The following KCNQ3 variants were observed in gnomAD, a reference collection of about 807,000 sequenced individuals.
KCNQ3 encodes the protein potassium voltage-gated channel subfamily Q member 3, also known as potassium voltage-gated channel subfamily KQT member 3.
KCNQ3 carries 30 observed loss-of-function variants against 92.5 expected under a neutral mutation model. The ratio of observed to expected loss-of-function variants is 0.32; its 90% CI spans 0.24 to 0.44. The LOEUF is 0.44. Ranked by LOEUF, KCNQ3 falls within the 20% of genes least tolerant of loss-of-function variation. The probability of loss-of-function intolerance (pLI) is 1.00; values close to 1 mark genes in which losing one functional copy is unlikely to be tolerated. For synonymous variants in KCNQ3, 450 were observed against 468.8 expected (o/e 0.96, Z 0.52); for missense variants, 913 against 1,140.3 (o/e 0.80, Z 2.87).
chr8:132,468,792 A>T (rs72723113), intron 1 of KCNQ3, among the ~76,000 whole-genome samples: 11,503 of 152,248 alleles, frequency 0.076, 447 homozygotes, highest in Middle Eastern at 0.1. Context: ...AATTCAGTAT[A>T]GAGAGAAGCC....
intron 1 of KCNQ3, among the ~76,000 whole-genome samples, chr8:132,210,057 T>C (rs564011736): frequency 5.3e-5 from 8 of 152,360 alleles, no homozygotes; most frequent in African/African-American, 1.9e-4. Context: ...CACAATGTCC[T>C]GGAACCCCAG....
intron 1 of KCNQ3, among the ~76,000 whole-genome samples, chr8:132,406,374 C>T (rs988724517): frequency 4.6e-5 from 7 of 152,146 alleles, no homozygotes; most frequent in African/African-American, 1.4e-4. Flanking sequence ...CTGAACTTGT[C>T]CACTGAATAT....
At chr8:132,234,053 T>C (rs1035953151) in intron 1 of KCNQ3, among the ~76,000 whole-genome samples, 15 of 152,204 alleles carry the variant, frequency 9.9e-5, no homozygotes, top group African/African-American at 3.4e-4. Flanking sequence ...AACTAGAACA[T>C]ACCAGGACAA....
chr8:132,303,642 TATATATATATTTATG>T (rs1474183646), intron 1 of KCNQ3, among the ~76,000 whole-genome samples: 4 of 47,704 alleles, frequency 8.4e-5, no homozygotes, highest in African/African-American at 5.6e-4. Context: ...GGTGTATATA[TATATATATATTTATG>T]GTGTGTGTGT....
chr8:132,131,960 C>T (rs574649076), intron 14 of KCNQ3, among the ~76,000 whole-genome samples: 25 of 152,058 alleles, frequency 1.6e-4, no homozygotes, highest in African/African-American at 2.4e-4. Flanking sequence ...TGATGGCAGG[C>T]GCCTGTAATC....
At chr8:132,193,533 G>A (rs1042742661) in intron 1 of KCNQ3, among the ~76,000 whole-genome samples, 2 of 152,280 alleles carry the variant, frequency 1.3e-5, no homozygotes, top group East Asian at 1.9e-4. Context: ...AAACCCTGCC[G>A]CCTCTTCTCA....
At chr8:132,163,020 A>G (rs1826035467) in intron 9 of KCNQ3, among the ~76,000 whole-genome samples, 1 of 152,196 alleles carries the variant, frequency 6.6e-6, no homozygotes, top group Non-Finnish European at 1.5e-5. Context: ...TCTCGAGTCA[A>G]CTTACCATCT....
chr8:132,360,927 A>T (rs1819148936), intron 1 of KCNQ3, among the ~76,000 whole-genome samples: 1 of 152,224 alleles, frequency 6.6e-6, no homozygotes, highest in Non-Finnish European at 1.5e-5. Context: ...ACCTGGCTTC[A>T]GCATCACTGC....
chr8:132,365,017 G>C (rs1819279746), intron 1 of KCNQ3, among the ~76,000 whole-genome samples: 1 of 152,152 alleles, frequency 6.6e-6, no homozygotes, highest in Non-Finnish European at 1.5e-5. Context: ...TCTGGTGACA[G>C]AGAATAGCAA....
chr8:132,377,745 G>C (rs1480571863), intron 1 of KCNQ3, among the ~76,000 whole-genome samples: 1 of 152,144 alleles, frequency 6.6e-6, no homozygotes, highest in African/African-American at 2.4e-5. Context: ...GTAGTCCTTG[G>C]AGCCAGAGTA....
At chr8:132,327,016 C>T (rs1172423943) in intron 1 of KCNQ3, among the ~76,000 whole-genome samples, 1 of 152,236 alleles carries the variant, frequency 6.6e-6, no homozygotes, top group African/African-American at 2.4e-5. Flanking sequence ...GTGTTAACCT[C>T]CTTCACTGAA....
intron 1 of KCNQ3, among the ~76,000 whole-genome samples, chr8:132,201,535 G>A (rs1017989898): frequency 4.6e-5 from 7 of 151,136 alleles, no homozygotes; most frequent in African/African-American, 7.3e-5. Context: ...CTCCCATTCC[G>A]AAAAGAAAAA....
At chr8:132,260,623 G>A (rs1815751305) in intron 1 of KCNQ3, among the ~76,000 whole-genome samples, 1 of 152,090 alleles carries the variant, frequency 6.6e-6, no homozygotes, top group Non-Finnish European at 1.5e-5. Flanking sequence ...CTGAAAAATT[G>A]AAATTCATGG....
chr8:132,236,150 T>C (rs2130388770), intron 1 of KCNQ3, among the ~76,000 whole-genome samples: 1 of 152,342 alleles, frequency 6.6e-6, no homozygotes, highest in South Asian at 2.1e-4. Context: ...AGCTATCTAT[T>C]CTACTCTTGT....
At chr8:132,464,777 G>A (rs182380558) in intron 1 of KCNQ3, among the ~76,000 whole-genome samples, 2 of 152,288 alleles carry the variant, frequency 1.3e-5, no homozygotes, top group East Asian at 1.9e-4. Flanking sequence ...ATTAGAGTGA[G>A]TGTCACACCA....
At chr8:132,259,281 C>G (rs569767223) in intron 1 of KCNQ3, among the ~76,000 whole-genome samples, 104 of 151,974 alleles carry the variant, frequency 6.8e-4, no homozygotes, top group Non-Finnish European at 1.3e-3. Flanking sequence ...AATTCAATAA[C>G]AAATAAAAAA....
intron 1 of KCNQ3, among the ~76,000 whole-genome samples, chr8:132,294,203 G>A (rs762445702): frequency 9.2e-5 from 14 of 151,930 alleles, no homozygotes; most frequent in African/African-American, 1.9e-4. Context: ...GGGTTTCACC[G>A]TGTTAGCCAG....
chr8:132,432,736 G>C (rs543051232), intron 1 of KCNQ3, among the ~76,000 whole-genome samples: 3 of 152,070 alleles, frequency 2.0e-5, no homozygotes, highest in Non-Finnish European at 2.9e-5. Context: ...ATCCACTCTG[G>C]ACACACTGCA....
chr8:132,140,921 G>C, intron 10 of KCNQ3: 1 of 596,550 alleles, frequency 1.7e-6, no homozygotes, highest in Non-Finnish European at 3.0e-6. Context: ...GGAGCCTGCA[G>C]CCCTAGACTC....
Sources: gnomAD v4.1 joint callset for allele counts (sites outside exome capture counted in the v4.1 genomes callset) on GRCh38, gnomAD v4.1.1 for gene constraint, MANE v1.5 for transcripts, NCBI Gene and HGNC (gene_info 2026-07-23, HGNC 2026-07-21) for gene names.